The following PCDH15 variants were observed in gnomAD, a reference collection of about 807,000 sequenced individuals.
The protein encoded by PCDH15 is protocadherin related 15.
A neutral mutation model predicts 178.5 loss-of-function variants in PCDH15; 129 were observed. That is an observed-to-expected ratio of 0.72 (90% CI 0.63 to 0.84). The LOEUF (loss-of-function observed/expected upper bound fraction) is 0.84. PCDH15 is among the 40% of genes least tolerant of loss of function. The pLI, the probability that PCDH15 is intolerant of heterozygous loss-of-function variation, is 0.00. For synonymous variants in PCDH15, 800 were observed against 732.0 expected, an observed-to-expected ratio of 1.09 and a Z score of -1.50; for missense variants, 2,230 against 2,099.9, an observed-to-expected ratio of 1.06 and a Z score of -1.21.
chr10:54,676,679 C>T (rs2094795930), intron 1 of PCDH15, among the ~76,000 whole-genome samples: 1 of 152,130 alleles, frequency 6.6e-6, no homozygotes, highest in Non-Finnish European at 1.5e-5. Flanking sequence ...TTGAAAGGTT[C>T]AAGTTTTTAA....
chr10:54,252,440 T>C (rs1435466526), intron 8 of PCDH15, among the ~76,000 whole-genome samples: 3 of 152,190 alleles, frequency 2.0e-5, no homozygotes, highest in East Asian at 1.9e-4. Context: ...CAAAGCCTTC[T>C]CCTCTAACTT....
chr10:55,541,632 T>C (rs1841761603), intron 2 of PCDH15, among the ~76,000 whole-genome samples: 1 of 151,984 alleles, frequency 6.6e-6, no homozygotes, highest in South Asian at 2.1e-4. Context: ...TTACTTTTAA[T>C]CAATATTGTT....
chr10:53,905,589 G>A (rs2082625701), intron 25 of PCDH15, among the ~76,000 whole-genome samples: 1 of 151,930 alleles, frequency 6.6e-6, no homozygotes, highest in Non-Finnish European at 1.5e-5. Flanking sequence ...CACCCACCTC[G>A]GCCTCCCAAA....
chr10:54,118,501 A>G (rs2095155975), intron 15 of PCDH15, among the ~76,000 whole-genome samples: 1 of 152,104 alleles, frequency 6.6e-6, no homozygotes, highest in African/African-American at 2.4e-5. Context: ...TCTACTAAAA[A>G]TACAAAAAAT....
At chr10:53,830,329 T>G (rs922176038) in intron 30 of PCDH15, among the ~76,000 whole-genome samples, 1 of 151,600 alleles carries the variant, frequency 6.6e-6, no homozygotes, top group Non-Finnish European at 1.5e-5. Context: ...AAGTAAAGAA[T>G]ACATAAGAAC....
intron 20 of PCDH15, among the ~76,000 whole-genome samples, chr10:54,018,887 G>T (rs527964543): frequency 2.6e-5 from 4 of 151,940 alleles, no homozygotes; most frequent in East Asian, 3.9e-4. Flanking sequence ...TTATATTTTT[G>T]GGGGTAGAAC....
At chr10:55,118,659 AC>A (rs1564812667) in intron 2 of PCDH15, among the ~76,000 whole-genome samples, 1 of 152,198 alleles carries the variant, frequency 6.6e-6, no homozygotes, top group East Asian at 1.9e-4. Flanking sequence ...CTAACTAGCC[AC>A]CAAAGGGTCT....
At chr10:53,985,075 T>C (rs1266761440) in intron 21 of PCDH15, among the ~76,000 whole-genome samples, 1 of 152,176 alleles carries the variant, frequency 6.6e-6, no homozygotes, top group Admixed American at 6.6e-5. Flanking sequence ...CCAGACAAGG[T>C]CAGCCAACTC....
intron 1 of PCDH15, among the ~76,000 whole-genome samples, chr10:55,183,115 G>A (rs1373173131): frequency 6.6e-6 from 1 of 151,880 alleles, no homozygotes; most frequent in Non-Finnish European, 1.5e-5. Flanking sequence ...GGAAGCAGTT[G>A]ATTTTGAAAA....
At chr10:55,112,970 T>C (rs1837545899) in intron 2 of PCDH15, among the ~76,000 whole-genome samples, 1 of 152,182 alleles carries the variant, frequency 6.6e-6, no homozygotes, top group African/African-American at 2.4e-5. Flanking sequence ...TAAAAAACTT[T>C]TGCTGCCTTG....
intron 2 of PCDH15, among the ~76,000 whole-genome samples, chr10:54,998,744 T>C (rs1450744023): frequency 1.3e-5 from 2 of 152,210 alleles, no homozygotes; most frequent in Admixed American, 6.5e-5. Flanking sequence ...TACTTAACAC[T>C]AAATTTGCTA....
chr10:54,604,352 G>A (rs776527212), intron 2 of PCDH15, among the ~76,000 whole-genome samples: 1 of 151,900 alleles, frequency 6.6e-6, no homozygotes, highest in Non-Finnish European at 1.5e-5. Flanking sequence ...TGGATGTTCT[G>A]TCCATTATTA....
chr10:55,451,391 G>A (rs554533441), intron 2 of PCDH15, among the ~76,000 whole-genome samples: 1 of 151,968 alleles, frequency 6.6e-6, no homozygotes, highest in Admixed American at 6.6e-5. Context: ...CAAGCTACTC[G>A]GGAACCTGAG....
At chr10:55,120,676 T>A (rs941702110) in intron 2 of PCDH15, among the ~76,000 whole-genome samples, 2 of 152,218 alleles carry the variant, frequency 1.3e-5, no homozygotes, top group Middle Eastern at 6.8e-3. Context: ...ATAAATAAAA[T>A]AATAATCTCA....
At chr10:55,092,597 C>T (rs1842343889) in intron 2 of PCDH15, among the ~76,000 whole-genome samples, 2 of 151,684 alleles carry the variant, frequency 1.3e-5, no homozygotes, top group Non-Finnish European at 2.9e-5. Flanking sequence ...GCCTTTTTCA[C>T]CATAAAACAA....
chr10:54,671,948 G>C (rs2094682382), intron 1 of PCDH15, among the ~76,000 whole-genome samples: 1 of 152,116 alleles, frequency 6.6e-6, no homozygotes, highest in African/African-American at 2.4e-5. Context: ...TGTATTTACA[G>C]CCCCTCCCCA....
intron 2 of PCDH15, among the ~76,000 whole-genome samples, chr10:55,150,800 C>T (rs994902408): frequency 6.6e-6 from 1 of 152,076 alleles, no homozygotes; most frequent in Non-Finnish European, 1.5e-5. Flanking sequence ...AAAGAAAATA[C>T]AAGCAGTGAG....
intron 1 of PCDH15, among the ~76,000 whole-genome samples, chr10:54,680,412 T>C (rs2094877446): frequency 6.6e-6 from 1 of 152,214 alleles, no homozygotes; most frequent in Non-Finnish European, 1.5e-5. Context: ...TAAGACTCTT[T>C]TCACCTTGTT....
At chr10:55,522,963 T>C (rs1356063438) in intron 2 of PCDH15, among the ~76,000 whole-genome samples, 1 of 151,720 alleles carries the variant, frequency 6.6e-6, no homozygotes, top group Non-Finnish European at 1.5e-5. Context: ...TAATTATCTT[T>C]TGTGTATCTA....
Sources: allele counts gnomAD v4.1 joint callset (sites outside exome capture counted in the v4.1 genomes callset), GRCh38; gene constraint gnomAD v4.1.1; transcripts MANE v1.5; gene names NCBI Gene and HGNC (gene_info 2026-07-23, HGNC 2026-07-21).